The following GPC1 variants were observed in gnomAD, a reference collection of about 807,000 sequenced individuals.
The protein encoded by GPC1 is glypican-1.
GPC1 carries 26 observed loss-of-function variants against 51.5 expected under a neutral mutation model. The observed-to-expected ratio is 0.50, with a 90% confidence interval of 0.37 to 0.70. GPC1 has a LOEUF of 0.70. GPC1 is among the 30% of genes least tolerant of loss of function. The pLI, the probability that GPC1 is intolerant of heterozygous loss-of-function variation, is 0.00. For missense variants in GPC1, 775 were observed against 800.5 expected, an observed-to-expected ratio of 0.97 and a Z score of 0.38; for synonymous variants, 380 against 348.3, an observed-to-expected ratio of 1.09 and a Z score of -1.01.
At chr2:240,459,403 C>T (rs976411874) in intron 2 of GPC1, among the ~76,000 whole-genome samples, 2 of 152,162 alleles carry the variant, frequency 1.3e-5, no homozygotes, top group Non-Finnish European at 2.9e-5. Flanking sequence ...TGACACCCCC[C>T]TGGGAGTGTG....
At chr2:240,439,722 C>T (rs1044255217) in intron 1 of GPC1, among the ~76,000 whole-genome samples, 2 of 152,216 alleles carry the variant, frequency 1.3e-5, no homozygotes, top group African/African-American at 2.4e-5. Context: ...CTCAGCGGGC[C>T]TCTCGGAGGC....
chr2:240,463,875 A>G, intron 4 of GPC1: 1 of 299,484 alleles, frequency 3.3e-6, no homozygotes, highest in Non-Finnish European at 6.3e-6. Context: ...AGGCTGACAC[A>G]TGCGAACTGG....
At chr2:240,436,964 G>A (rs1222354207) in intron 1 of GPC1, among the ~76,000 whole-genome samples, 1 of 152,254 alleles carries the variant, frequency 6.6e-6, no homozygotes, top group Non-Finnish European at 1.5e-5. Flanking sequence ...TGTACGGGTG[G>A]GTGGAACGGT....
intron 1 of GPC1, among the ~76,000 whole-genome samples, chr2:240,445,817 A>G (rs2074046176): frequency 2.0e-5 from 3 of 152,316 alleles, no homozygotes; most frequent in Admixed American, 2.0e-4. Flanking sequence ...CGTTCGTAGC[A>G]GACAGCTTGG....
At chr2:240,455,991 G>A in intron 1 of GPC1, 1 of 429,120 alleles carries the variant, frequency 2.3e-6, no homozygotes, top group Middle Eastern at 4.5e-4. Context: ...AGCCTGCCGG[G>A]GGCTCCCAGG....
In GPC1 at chr2:240,462,436, T is replaced by C. The variant is rs747329122; in HGVS notation, c.571T>C (p.Cys191Arg). The C allele has an allele frequency of 3.7e-6, 6 of 1,606,430 alleles. No individual in the cohort carries two copies. Among genetic ancestry groups the C allele is most frequent in the Non-Finnish European group, 5.1e-6 (6 of 1,177,056 alleles). ...GCTGCTGCCTGATGACTACCTGGAC[T>C]GCCTGGGCAAGCAGGCCGAGGCGCT... ...QLLLPDDYLD[C>R]LGKQAEALRP... The change falls in exon 3 of 9, where the codon TGC becomes CGC. Residue 191 changes from cysteine (C) to arginine (R), a missense_variant. By Grantham distance (180) the Cys-to-Arg change is radical. Coordinates refer to ENST00000264039, the MANE Select transcript of GPC1 (RefSeq NM_002081.3).
At chr2:240,445,248 G>A (rs184656170) in intron 1 of GPC1, among the ~76,000 whole-genome samples, 30 of 152,268 alleles carry the variant, frequency 2.0e-4, no homozygotes, top group African/African-American at 7.2e-4. Flanking sequence ...GGGCAATTTG[G>A]GGTGAGGGGT....
intron 4 of GPC1, 191 bp from the exon 5 acceptor site, chr2:240,464,425 G>GA: frequency 1.5e-6 from 1 of 649,138 alleles, no homozygotes; most frequent in Non-Finnish European, 2.7e-6. Flanking sequence ...ACGTGGGTGT[G>GA]GGCCAAGCTG....
At chr2:240,462,626 C>G (rs746979002) in intron 3 of GPC1, 44 bp downstream of exon 3, 2 of 1,481,098 alleles carry the variant, frequency 1.4e-6, no homozygotes, top group Admixed American at 4.5e-5. Flanking sequence ...CTCCAGACCC[C>G]CATGCTCTGC....
chr2:240,442,749 G>C (rs1023861816), intron 1 of GPC1, among the ~76,000 whole-genome samples: 1 of 152,222 alleles, frequency 6.6e-6, no homozygotes, highest in African/African-American at 2.4e-5. Context: ...GCCCAGCCCG[G>C]CACACCTACA....
intron 1 of GPC1, among the ~76,000 whole-genome samples, chr2:240,454,128 G>A (rs2074133568): frequency 6.6e-6 from 1 of 152,164 alleles, no homozygotes; most frequent in Non-Finnish European, 1.5e-5. Context: ...GGTGAGTCTG[G>A]GGGCCGTGGA....
intron 2 of GPC1, 66 bp from the exon 3 acceptor site, chr2:240,462,125 C>T: frequency 6.9e-7 from 1 of 1,448,362 alleles, no homozygotes; most frequent in Non-Finnish European, 9.3e-7. Context: ...GCTGAGTCCC[C>T]TGCTCTGGTC....
Position 240,462,290 on chromosome 2 carries a change from G to A in GPC1, c.425G>A (p.Arg142Gln), listed in dbSNP as rs140826218. 1.8e-4 allele frequency: 285 copies of A among 1,608,802 alleles called. No homozygotes were observed. Among genetic ancestry groups the A allele is most frequent in the African/African-American group, 1.2e-4 (9 of 74,818 alleles). Residue 142 changes from arginine (R) to glutamine (Q), a missense_variant, in exon 3 of 9, where the codon CGG becomes CAG. Arg to Gln is a conservative substitution (Grantham distance 43). Transcript: ENST00000264039. ...ELYTQNARAFRDLYSELRLYY... is the reference protein window; with the variant it reads ...ELYTQNARAFQDLYSELRLYY... ...TACACGCAGAACGCGAGGGCCTTCC[G>A]GGACCTGTACTCAGAGCTGCGCCTG... is the stretch of plus-strand genomic sequence containing the variant.
chr2:240,450,921 T>C, intron 1 of GPC1: 1 of 404,946 alleles, frequency 2.5e-6, no homozygotes, highest in Non-Finnish European at 5.2e-6. Context: ...TGGGGAGGCT[T>C]CCTGAGGGAG....
At chr2:240,463,782 C>T (rs1463728252) in intron 4 of GPC1, 2 of 527,072 alleles carry the variant, frequency 3.8e-6, no homozygotes, top group South Asian at 2.5e-5. Flanking sequence ...GCAAGCACCT[C>T]GGTGTGCATA....
At chr2:240,458,035 G>A (rs974297461) in intron 1 of GPC1, 6 of 470,722 alleles carry the variant, frequency 1.3e-5, no homozygotes, top group South Asian at 6.2e-5. Context: ...GAACAGTGTG[G>A]CCCCGTCAGT....
chr2:240,437,646 C>A (rs1474469328), intron 1 of GPC1, among the ~76,000 whole-genome samples: 1 of 152,318 alleles, frequency 6.6e-6, no homozygotes, highest in East Asian at 1.9e-4. Flanking sequence ...CGTTCTCTGC[C>A]CCTCTACTCA....
rs1259138074 is a variant in GPC1, at chr2:240,448,527, C to T, written c.167-10503C>T. On this transcript the variant is annotated intron_variant, in intron 1 of 8. Transcript: ENST00000264039. This position sits in a 1 kb window ranked among gnomAD's most constrained non-coding sequence, Gnocchi z 4.5. ...GAACTCTGAGCCTCCGGCTCTCCTC[C>T]GGCAGGTGGCTTCGGGAAATGGGTG... Among the ~76,000 whole-genome samples, 2 of 152,158 alleles carry T rather than the reference C, an allele frequency of 1.3e-5. No individual in the cohort carries two copies. Among genetic ancestry groups the T allele is most frequent in the Admixed American group, 6.5e-5 (1 of 15,290 alleles).
chr2:240,453,073 C>T (rs1312727376), intron 1 of GPC1: 2 of 321,718 alleles, frequency 6.2e-6, no homozygotes, highest in Non-Finnish European at 1.2e-5. Flanking sequence ...ACCTCTCCCG[C>T]AGCGCCACCG....
Sources: gnomAD v4.1 joint callset for allele counts (sites outside exome capture counted in the v4.1 genomes callset) on GRCh38, gnomAD v4.1.1 for gene constraint, Gnocchi (gnomAD v3.1) non-coding constraint, MANE v1.5 for transcripts, NCBI Gene and HGNC (gene_info 2026-07-23, HGNC 2026-07-21) for gene names.